TRDN: variants seen among roughly 807,000 people sequenced by gnomAD.
TRDN encodes triadin, also known as triadin in skeletal muscle.
TRDN carries 161 observed loss-of-function variants against 149.7 expected under a neutral mutation model. That is an observed-to-expected ratio of 1.08 (90% CI 0.95 to 1.23). The LOEUF (loss-of-function observed/expected upper bound fraction) is 1.23, where lower values mean the gene tolerates loss of function less well. Ranked by LOEUF, TRDN falls within the 50% of genes most tolerant of loss-of-function variation. The pLI is 0.00. For missense variants in TRDN, 896 were observed against 823.5 expected (o/e 1.09, Z -1.08); for synonymous variants, 294 against 250.5 (o/e 1.17, Z -1.64).
chr6:123,620,851 G>C (rs764654783), intron 1 of TRDN, among the ~76,000 whole-genome samples: 4 of 152,050 alleles, frequency 2.6e-5, no homozygotes, highest in Non-Finnish European at 4.4e-5. Context: ...AATAAAGCCA[G>C]CAAGTCAAAT....
chr6:123,237,530 G>A (rs961644136), intron 38 of TRDN, among the ~76,000 whole-genome samples: 3 of 152,176 alleles, frequency 2.0e-5, no homozygotes, highest in Admixed American at 2.0e-4. Flanking sequence ...TTACAGGCGT[G>A]AGCCACTGCG....
At chr6:123,345,985 T>C (rs986515132) in intron 21 of TRDN, among the ~76,000 whole-genome samples, 1 of 152,000 alleles carries the variant, frequency 6.6e-6, no homozygotes, top group Non-Finnish European at 1.5e-5. Context: ...ACAAATACAG[T>C]TTTATTTTTT....
chr6:123,435,866 C>T (rs897694540), intron 12 of TRDN, among the ~76,000 whole-genome samples: 1 of 152,032 alleles, frequency 6.6e-6, no homozygotes, highest in East Asian at 1.9e-4. Flanking sequence ...CTCACTTTGA[C>T]ATGACTGCTG....
chr6:123,283,199 A>G (rs1777644415), intron 24 of TRDN, among the ~76,000 whole-genome samples: 2 of 151,934 alleles, frequency 1.3e-5, no homozygotes, highest in African/African-American at 2.4e-5. Flanking sequence ...AAATTAAATA[A>G]CATGCTTCTG....
chr6:123,562,610 G>T (rs1782060288), intron 2 of TRDN, among the ~76,000 whole-genome samples: 1 of 152,182 alleles, frequency 6.6e-6, no homozygotes, highest in Non-Finnish European at 1.5e-5. Context: ...TCCAGTTTAT[G>T]GTATTTTGTT....
chr6:123,634,819 C>A (rs1212907972), intron 1 of TRDN, among the ~76,000 whole-genome samples: 3 of 151,568 alleles, frequency 2.0e-5, no homozygotes, highest in Non-Finnish European at 4.4e-5. Context: ...CTGTTAAGGC[C>A]CGGAAGTGGA....
chr6:123,282,324 A>G (rs758850709), intron 24 of TRDN, among the ~76,000 whole-genome samples: 6 of 152,016 alleles, frequency 3.9e-5, no homozygotes, highest in Non-Finnish European at 7.4e-5. Context: ...AATAATGTCA[A>G]TAAAGGCTTG....
intron 1 of TRDN, among the ~76,000 whole-genome samples, chr6:123,599,070 C>T (rs1784162815): frequency 6.6e-6 from 1 of 152,076 alleles, no homozygotes; most frequent in South Asian, 2.1e-4. Flanking sequence ...AGTTGCAGTA[C>T]TTAGCAATAT....
chr6:123,322,188 T>G (rs907017609), intron 23 of TRDN, among the ~76,000 whole-genome samples: 1 of 152,202 alleles, frequency 6.6e-6, no homozygotes, highest in Non-Finnish European at 1.5e-5. Context: ...AATCCTTCCA[T>G]GCATAATGAA....
At chr6:123,446,188 A>C (rs1052603210) in intron 10 of TRDN, among the ~76,000 whole-genome samples, 3 of 149,162 alleles carry the variant, frequency 2.0e-5, no homozygotes, top group African/African-American at 2.5e-5. Flanking sequence ...TTGAACAATG[A>C]GATCACATGG....
At chr6:123,373,914 A>T (rs767851959) in intron 19 of TRDN, among the ~76,000 whole-genome samples, 1 of 152,214 alleles carries the variant, frequency 6.6e-6, no homozygotes, top group Non-Finnish European at 1.5e-5. Flanking sequence ...TTTAGGCATT[A>T]ACTTTATAAG....
chr6:123,272,015 G>T (rs961021235), intron 29 of TRDN, among the ~76,000 whole-genome samples: 1 of 151,710 alleles, frequency 6.6e-6, no homozygotes, highest in Admixed American at 6.6e-5. Context: ...CTAAGGTTCT[G>T]CTTTTGTCAA....
chr6:123,612,698 T>A (rs1429989092), intron 1 of TRDN, among the ~76,000 whole-genome samples: 1 of 152,088 alleles, frequency 6.6e-6, no homozygotes, highest in Non-Finnish European at 1.5e-5. Flanking sequence ...CCACTGTGCG[T>A]CAAGATGAAG....
intron 2 of TRDN, among the ~76,000 whole-genome samples, chr6:123,567,986 C>T (rs1782376885): frequency 6.6e-6 from 1 of 152,168 alleles, no homozygotes; most frequent in Non-Finnish European, 1.5e-5. Flanking sequence ...AAATAAATTC[C>T]TTCCACCTAT....
intron 12 of TRDN, among the ~76,000 whole-genome samples, chr6:123,437,099 A>C (rs1336261283): frequency 9.2e-5 from 14 of 152,060 alleles, no homozygotes; most frequent in African/African-American, 3.4e-4. Context: ...ACAAAATTTA[A>C]AGCAAAAATC....
intron 13 of TRDN, 84 bp from the exon 14 acceptor site, chr6:123,388,635 A>C: frequency 6.8e-7 from 1 of 1,481,094 alleles, no homozygotes; most frequent in Non-Finnish European, 9.2e-7. Context: ...TATTCCACAT[A>C]TTCATAAATT....
intron 9 of TRDN, among the ~76,000 whole-genome samples, chr6:123,472,122 G>T (rs890634454): frequency 6.6e-6 from 1 of 152,208 alleles, no homozygotes; most frequent in Non-Finnish European, 1.5e-5. Context: ...AGCTCCCAGC[G>T]TGAGCGACGC....
chr6:123,297,243 G>A (rs1325172165), intron 24 of TRDN, among the ~76,000 whole-genome samples: 1 of 151,934 alleles, frequency 6.6e-6, no homozygotes, highest in Non-Finnish European at 1.5e-5. Flanking sequence ...TGACCATTCT[G>A]TTCTCACTTT....
Position 123,352,326 on chromosome 6 carries a change from G to A in TRDN, c.1369+213C>T, listed in dbSNP as rs1780491473. On this transcript the variant is annotated intron_variant, in intron 21 of 40. Coordinates refer to ENST00000334268, the MANE Select transcript of TRDN (RefSeq NM_006073.4). ...AACAGTTTGGGGAGTTTCCCTGTTC[G>A]GAACTGATATTCAAAGTTCAGTTAC... 18 of 984,672 alleles carry A rather than the reference G, an allele frequency of 1.8e-5. No individual in the cohort carries two copies. In the South Asian group the frequency reaches 3.8e-4, roughly 21 times the overall value. The allele number at this position is 984,672 out of a possible 1,614,324, so 61.0% of individuals were successfully genotyped here. A position where few individuals can be genotyped will look rare whatever the true frequency, so the allele number is the denominator to read the frequency against.
Sources: allele counts gnomAD v4.1 joint callset (sites outside exome capture counted in the v4.1 genomes callset), GRCh38; gene constraint gnomAD v4.1.1; transcripts MANE v1.5; gene names NCBI Gene and HGNC (gene_info 2026-07-23, HGNC 2026-07-21).